The following RPS6KA2 variants were observed in gnomAD, a reference collection of about 807,000 sequenced individuals.
RPS6KA2 encodes the protein ribosomal protein S6 kinase A2.
In RPS6KA2, 42 loss-of-function variants were observed where a neutral mutation model predicts 91.8. The observed-to-expected ratio is 0.46, with a 90% CI of 0.36 to 0.59. The LOEUF is 0.59. Among genes scored for constraint, RPS6KA2 ranks in the 20% least tolerant of loss-of-function variants. The probability of loss-of-function intolerance (pLI) is 0.00; values close to 1 mark genes in which losing one functional copy is unlikely to be tolerated. For synonymous variants in RPS6KA2, 414 were observed against 393.6 expected (o/e 1.05, Z -0.61); for missense variants, 798 against 978.5 (o/e 0.82, Z 2.46).
chr6:166,824,755 GTGTGTGTGTC>G (rs1779997277), intron 2 of RPS6KA2, among the ~76,000 whole-genome samples: 1 of 139,264 alleles, frequency 7.2e-6, no homozygotes, highest in Non-Finnish European at 1.6e-5. Context: ...CTGTATGTCT[GTGTGTGTGTC>G]TGTGTGTCTA....
At chr6:166,429,151 T>C (rs1388740482) in intron 16 of RPS6KA2, among the ~76,000 whole-genome samples, 1 of 151,726 alleles carries the variant, frequency 6.6e-6, no homozygotes, top group Non-Finnish European at 1.5e-5. Flanking sequence ...ATGGATGAAA[T>C]TGGAGATCAT....
chr6:166,707,856 G>T (rs1051466814), intron 2 of RPS6KA2, among the ~76,000 whole-genome samples: 1 of 151,834 alleles, frequency 6.6e-6, no homozygotes, highest in African/African-American at 2.4e-5. Flanking sequence ...CAATCCTCCC[G>T]CCTCAGCCTC....
intron 4 of RPS6KA2, among the ~76,000 whole-genome samples, chr6:166,510,005 T>G (rs756774185): frequency 3.5e-4 from 53 of 152,190 alleles, no homozygotes; most frequent in Non-Finnish European, 6.9e-4. Flanking sequence ...TCTTCTAAAT[T>G]ATCAATGGTA....
rs566848401 is a variant in RPS6KA2, at chr6:166,697,711, T to C, written c.124-158927A>G. ...ATCCCAGAAGGGAGGCTAATATCTC[T>C]CCTATTTAAGTCCCAACATTCTGAA... On this transcript the variant is annotated intron_variant, in intron 2 of 21. Transcript: ENST00000503859. 2.3e-3 allele frequency among the ~76,000 whole-genome samples: 353 copies of C among 152,242 alleles called. 1 individual carries two copies. Among genetic ancestry groups the C allele is most frequent in the African/African-American group, 8.0e-3 (333 of 41,552 alleles).
chr6:166,652,142 G>A (rs1005460524), intron 2 of RPS6KA2, among the ~76,000 whole-genome samples: 4 of 152,198 alleles, frequency 2.6e-5, no homozygotes, highest in Admixed American at 6.5e-5. Flanking sequence ...ATAGAGCTTC[G>A]GATTATCTCA....
At chr6:166,552,574 C>T (rs1409362009) in intron 1 of RPS6KA2, among the ~76,000 whole-genome samples, 1 of 152,072 alleles carries the variant, frequency 6.6e-6, no homozygotes, top group Non-Finnish European at 1.5e-5. Flanking sequence ...TGGTAAAATG[C>T]CTTGGCCACA....
At chr6:166,701,961 G>A (rs1015142201) in intron 2 of RPS6KA2, 10 of 1,034,638 alleles carry the variant, frequency 9.7e-6, no homozygotes, top group Non-Finnish European at 1.5e-5. Flanking sequence ...CCAATAAGAC[G>A]GCCAACAAAG....
At chr6:166,714,638 G>A (rs888832325) in intron 2 of RPS6KA2, among the ~76,000 whole-genome samples, 6 of 152,162 alleles carry the variant, frequency 3.9e-5, no homozygotes, top group Middle Eastern at 3.2e-3. Flanking sequence ...GGGGCAATGC[G>A]TCCACAAGCC....
Position 166,418,940 on chromosome 6 carries a change from T to C in RPS6KA2, c.1821-598A>G, listed in dbSNP as rs1310604512. 6.6e-6 allele frequency among the ~76,000 whole-genome samples: 1 copy of C among 152,224 alleles called. No individual in the cohort carries two copies. ...CTTCCTCTAGTGGGAAAGTGTGTGATCTAGTTTTCCGTATAGGCAAAGTGA... is the reference window on the plus strand; with the variant it reads ...CTTCCTCTAGTGGGAAAGTGTGTGACCTAGTTTTCCGTATAGGCAAAGTGA... On this transcript the variant is annotated intron_variant, in intron 18 of 20. Transcript: ENST00000265678. The surrounding 1 kb of genome is among the most constrained non-coding windows in gnomAD (Gnocchi z 4.9).
intron 2 of RPS6KA2, among the ~76,000 whole-genome samples, chr6:166,753,325 T>G (rs1777904080): frequency 6.6e-6 from 1 of 152,250 alleles, no homozygotes; most frequent in Non-Finnish European, 1.5e-5. Flanking sequence ...CTGTCCATTC[T>G]TCACTAAACT....
rs1382083163 is a variant in RPS6KA2, at chr6:166,639,320, T to A, written c.124-100536A>T. On this transcript the variant is annotated intron_variant, in intron 2 of 21. Transcript: ENST00000503859. The surrounding 1 kb of genome is among the most constrained non-coding windows in gnomAD (Gnocchi z 4.2). The stretch of plus-strand genomic sequence containing the variant: ...CCCTACGTCTCTAGTTACTGAGATT[T>A]GTCAACTGTGCCTTCTACATGTTTT... Among the ~76,000 whole-genome samples, 3 of 152,202 alleles carry A rather than the reference T, an allele frequency of 2.0e-5. No homozygotes were observed. Among genetic ancestry groups the A allele is most frequent in the Non-Finnish European group, 4.4e-5 (3 of 68,034 alleles).
At chr6:166,728,816 C>T (rs1433436377) in intron 2 of RPS6KA2, among the ~76,000 whole-genome samples, 1 of 152,130 alleles carries the variant, frequency 6.6e-6, no homozygotes, top group East Asian at 1.9e-4. Flanking sequence ...GTCGGGCACC[C>T]GCCAGGCAGG....
intron 11 of RPS6KA2, among the ~76,000 whole-genome samples, chr6:166,463,694 T>G (rs1780414364): frequency 6.6e-6 from 1 of 152,190 alleles, no homozygotes; most frequent in Non-Finnish European, 1.5e-5. Flanking sequence ...AACATCTGCC[T>G]TCTGTAGACG....
At chr6:166,832,106 T>C (rs1179044690) in intron 2 of RPS6KA2, among the ~76,000 whole-genome samples, 1 of 152,076 alleles carries the variant, frequency 6.6e-6, no homozygotes, top group Non-Finnish European at 1.5e-5. Context: ...CAGTAGTGAG[T>C]TGGTTGCATG....
At chr6:166,677,817 C>T (rs1048688895) in intron 2 of RPS6KA2, among the ~76,000 whole-genome samples, 6 of 152,272 alleles carry the variant, frequency 3.9e-5, no homozygotes, top group African/African-American at 1.4e-4. Context: ...TAAAACAAGA[C>T]TGGCCTGGTC....
intron 12 of RPS6KA2, among the ~76,000 whole-genome samples, chr6:166,451,560 C>T (rs1779918716): frequency 6.6e-6 from 1 of 152,172 alleles, no homozygotes. Flanking sequence ...TTCTTGACCA[C>T]ACTCCTCCAC....
At chr6:166,582,087 C>A (rs112199493) in intron 1 of RPS6KA2, among the ~76,000 whole-genome samples, 27 of 125,158 alleles carry the variant, frequency 2.2e-4, no homozygotes, top group South Asian at 1.1e-3. Flanking sequence ...GGTGGGACGC[C>A]CACTGGGCAG....
intron 2 of RPS6KA2, among the ~76,000 whole-genome samples, chr6:166,790,816 G>A (rs548856189): frequency 4.7e-4 from 72 of 152,262 alleles, no homozygotes; most frequent in Non-Finnish European, 8.7e-4. Flanking sequence ...CAAATGCTGA[G>A]AGATTTTGTC....
intron 2 of RPS6KA2, among the ~76,000 whole-genome samples, chr6:166,840,264 T>C (rs1211364255): frequency 1.3e-5 from 2 of 152,178 alleles, no homozygotes; most frequent in Admixed American, 6.5e-5. Context: ...AGAAATCCAC[T>C]GGACCAGAAC....
Sources: gnomAD v4.1 joint callset for allele counts (sites outside exome capture counted in the v4.1 genomes callset) on GRCh38, gnomAD v4.1.1 for gene constraint, Gnocchi (gnomAD v3.1) non-coding constraint, MANE v1.5 for transcripts, NCBI Gene and HGNC (gene_info 2026-07-23, HGNC 2026-07-21) for gene names.